EHBP1: variants seen among roughly 807,000 people sequenced by gnomAD.
EHBP1 encodes EH domain-binding protein 1.
A neutral mutation model predicts 144.0 loss-of-function variants in EHBP1; 55 were observed. The observed-to-expected ratio is 0.38, with a 90% CI of 0.31 to 0.48. EHBP1 has a LOEUF of 0.48. EHBP1 is among the 20% of genes least tolerant of loss of function. EHBP1 has a pLI of 0.98. For missense variants in EHBP1, 1,200 were observed against 1,364.2 expected (o/e 0.88, Z 1.90); for synonymous variants, 469 against 472.7 (o/e 0.99, Z 0.10).
At chr2:62,980,912 T>A (rs1312885846) in intron 15 of EHBP1, among the ~76,000 whole-genome samples, 15 of 147,932 alleles carry the variant, frequency 1.0e-4, no homozygotes, top group East Asian at 3.9e-4. Context: ...AAAAAAAAAA[T>A]TTTTTTTAAT....
intron 7 of EHBP1, among the ~76,000 whole-genome samples, chr2:62,848,825 G>A: frequency 6.6e-6 from 1 of 152,336 alleles, no homozygotes; most frequent in East Asian, 1.9e-4. Flanking sequence ...ATGTTACGCA[G>A]CTTGGGTCAC....
intron 7 of EHBP1, among the ~76,000 whole-genome samples, chr2:62,833,856 C>T (rs932908384): frequency 6.6e-6 from 1 of 152,186 alleles, no homozygotes; most frequent in Admixed American, 6.5e-5. Context: ...GGAAAGGACT[C>T]ACTGTTCTAG....
chr2:62,684,948 T>C (rs551711581), intron 1 of EHBP1, among the ~76,000 whole-genome samples: 3 of 152,274 alleles, frequency 2.0e-5, no homozygotes, highest in South Asian at 4.2e-4. Flanking sequence ...GACTCACTTA[T>C]ATGTGGAATC....
chr2:62,850,362 T>C (rs1053579589), intron 7 of EHBP1, among the ~76,000 whole-genome samples: 2 of 152,190 alleles, frequency 1.3e-5, no homozygotes, highest in East Asian at 3.8e-4. Context: ...TCGTCACTTG[T>C]CGTGCTGCCA....
chr2:62,714,102 A>G (rs2035427907), intron 2 of EHBP1, among the ~76,000 whole-genome samples: 1 of 152,130 alleles, frequency 6.6e-6, no homozygotes, highest in African/African-American at 2.4e-5. Context: ...AAAAATAGAG[A>G]ACAAATTTTT....
chr2:62,856,110 GC>G (rs1474875231), intron 7 of EHBP1, among the ~76,000 whole-genome samples: 2 of 152,158 alleles, frequency 1.3e-5, no homozygotes, highest in African/African-American at 4.8e-5. Flanking sequence ...CCCTCCACTT[GC>G]CTGTGTACCT....
chr2:63,038,665 C>G, intron 20 of EHBP1, 78 bp from the exon 21 acceptor site: 12 of 1,332,990 alleles, frequency 9.0e-6, no homozygotes, highest in Non-Finnish European at 1.2e-5. Context: ...GTCCTAAAAT[C>G]AATGTAACCT....
intron 5 of EHBP1, among the ~76,000 whole-genome samples, chr2:62,813,336 A>G (rs1265712675): frequency 3.3e-5 from 5 of 152,202 alleles, no homozygotes; most frequent in Admixed American, 2.6e-4. Flanking sequence ...GGGCATGGAT[A>G]CCTCTACCTA....
At chr2:62,925,203 A>T (rs1049949407) in intron 10 of EHBP1, among the ~76,000 whole-genome samples, 3 of 152,218 alleles carry the variant, frequency 2.0e-5, no homozygotes, top group Non-Finnish European at 4.4e-5. Context: ...GAAGGTTAAT[A>T]CCTAAATATA....
chr2:63,006,499 A>G (rs1036437338), intron 19 of EHBP1, among the ~76,000 whole-genome samples: 2 of 151,932 alleles, frequency 1.3e-5, no homozygotes, highest in East Asian at 1.9e-4. Context: ...CCTTTAACCA[A>G]TGAAAACAGT....
intron 19 of EHBP1, among the ~76,000 whole-genome samples, chr2:62,998,465 C>T (rs2059725645): frequency 6.6e-6 from 1 of 151,368 alleles, no homozygotes; most frequent in Non-Finnish European, 1.5e-5. Flanking sequence ...CCTTTTTTTC[C>T]AAACAAATGG....
In EHBP1 at chr2:62,679,295, A is replaced by T. The variant is rs981338759; in HGVS notation, c.-296+5212A>T. ...GATAGTTCTGCTATTTTTATAACTC[A>T]CATAAATACCATAAGCTTGACAATA... is the stretch of plus-strand genomic sequence containing the variant. On this transcript the variant is annotated intron_variant, in intron 1 of 22. Transcript: ENST00000405015. Among the ~76,000 whole-genome samples, 4 of 152,208 alleles carry T rather than the reference A, an allele frequency of 2.6e-5. 1 individual carries two copies. Among genetic ancestry groups the T allele is most frequent in the Admixed American group, 2.6e-4 (4 of 15,272 alleles).
intron 10 of EHBP1, among the ~76,000 whole-genome samples, chr2:62,908,154 T>G (rs993380213): frequency 7.2e-5 from 11 of 152,180 alleles, no homozygotes; most frequent in African/African-American, 2.7e-4. Flanking sequence ...TAGGTAATTT[T>G]TGTGTGTGTG....
chr2:62,704,798 A>G (rs933325698), upstream of EHBP1, among the ~76,000 whole-genome samples: 2 of 152,154 alleles, frequency 1.3e-5, no homozygotes, highest in Non-Finnish European at 2.9e-5. Flanking sequence ...CCCCTTGAGA[A>G]AGTATCTGTA....
intron 8 of EHBP1, among the ~76,000 whole-genome samples, chr2:62,860,246 T>G (rs1238086094): frequency 6.6e-6 from 1 of 152,114 alleles, no homozygotes; most frequent in Non-Finnish European, 1.5e-5. Context: ...TCTCAGCGCT[T>G]TGGGAGGCCA....
intron 1 of EHBP1, among the ~76,000 whole-genome samples, chr2:62,675,787 G>A (rs550998358): frequency 6.6e-6 from 1 of 152,266 alleles, no homozygotes; most frequent in South Asian, 2.1e-4. Context: ...ATTATTTTGA[G>A]ATGGGTCCTG....
At chr2:62,997,283 A>G (rs2059671567) in intron 19 of EHBP1, among the ~76,000 whole-genome samples, 1 of 152,106 alleles carries the variant, frequency 6.6e-6, no homozygotes, top group Admixed American at 6.6e-5. Context: ...TGCATTTGAA[A>G]GGATTACAGT....
chr2:62,723,497 G>C (rs1407923357), intron 2 of EHBP1, among the ~76,000 whole-genome samples: 3 of 151,902 alleles, frequency 2.0e-5, no homozygotes, highest in Admixed American at 6.6e-5. Context: ...GGTTAATATT[G>C]ATATGTTTGG....
intron 5 of EHBP1, among the ~76,000 whole-genome samples, chr2:62,813,469 CAG>C (rs1259739964): frequency 2.0e-5 from 3 of 152,310 alleles, no homozygotes; most frequent in South Asian, 4.1e-4. Context: ...AAGGTTACAG[CAG>C]AGAGTCCTCA....
Sources: gnomAD v4.1 joint callset for allele counts (sites outside exome capture counted in the v4.1 genomes callset) on GRCh38, gnomAD v4.1.1 for gene constraint, MANE v1.5 for transcripts, NCBI Gene and HGNC (gene_info 2026-07-23, HGNC 2026-07-21) for gene names.